Variants in CREB1 observed in about 807,000 individuals in gnomAD.
CREB1 encodes the protein cyclic AMP-responsive element-binding protein 1.
A neutral mutation model predicts 42.0 loss-of-function variants in CREB1; 2 were observed. The observed-to-expected ratio is 0.05, with a 90% CI of 0.02 to 0.15. The LOEUF is 0.15. Among genes scored for constraint, CREB1 ranks in the 10% least tolerant of loss-of-function variants. The pLI is 1.00. For synonymous variants in CREB1, 123 were observed against 139.9 expected (o/e 0.88, Z 0.85); for missense variants, 199 against 388.9 (o/e 0.51, Z 4.11).
intron 7 of CREB1, among the ~76,000 whole-genome samples, chr2:207,584,188 TGAA>T (rs1338566894): frequency 6.6e-6 from 1 of 152,254 alleles, no homozygotes; most frequent in East Asian, 1.9e-4. Context: ...GCTGGTTGCA[TGAA>T]ATGTAACTAA....
At chr2:207,556,874 C>T (rs1281473410) in intron 2 of CREB1, among the ~76,000 whole-genome samples, 1 of 152,166 alleles carries the variant, frequency 6.6e-6, no homozygotes, top group Non-Finnish European at 1.5e-5. Context: ...CTGTGGCTCA[C>T]GCCTATAATC....
intron 7 of CREB1, among the ~76,000 whole-genome samples, chr2:207,588,896 G>A (rs989959941): frequency 7.1e-6 from 1 of 140,378 alleles, no homozygotes; most frequent in South Asian, 2.3e-4. Context: ...TGTCGGGGGG[G>A]GTGTAGATTC....
intron 1 of CREB1, among the ~76,000 whole-genome samples, chr2:207,539,609 C>T (rs2081015130): frequency 6.6e-6 from 1 of 152,138 alleles, no homozygotes; most frequent in Non-Finnish European, 1.5e-5. Context: ...GACTATATGG[C>T]TCCTACCCTC....
intron 1 of CREB1, among the ~76,000 whole-genome samples, chr2:207,537,330 G>A (rs1184423703): frequency 2.0e-5 from 3 of 152,062 alleles, no homozygotes; most frequent in Admixed American, 6.5e-5. Context: ...GAGCCACTGC[G>A]CCTGGCCTAC....
chr2:207,601,050 C>T lies in CREB1; in HGVS notation c.*3992C>T, dbSNP rs1307842892. 20 of 190,412 alleles carry T rather than the reference C, an allele frequency of 1.1e-4. No homozygotes were observed. The Admixed American group carries it at 1.2e-3, about 12-fold the overall frequency. The allele number at this position is 190,412 out of a possible 1,614,324, so 11.8% of individuals were successfully genotyped here. ...GCAGGATTAAGTAGGGCTAATGTAT[C>T]TTAAAGTTAAGATCTTGAATTAAAG... is the stretch of plus-strand genomic sequence containing the variant. On this transcript the variant is annotated 3_prime_UTR_variant, in exon 8 of 8. Transcript: ENST00000353267.
intron 5 of CREB1, 30 bp from the exon 6 acceptor site, chr2:207,575,242 C>T (rs2082529906): frequency 6.2e-7 from 1 of 1,600,726 alleles, no homozygotes; most frequent in Admixed American, 1.7e-5. Context: ...TGGTATTAAA[C>T]TTGTAACAAT....
In CREB1 at chr2:207,604,868, T is replaced by C. The variant is rs993387196; in HGVS notation, c.*7810T>C. Among the ~76,000 whole-genome samples the C allele has an allele frequency of 3.3e-5, 5 of 152,226 alleles. No homozygotes were observed. The highest frequency in any genetic ancestry group is 1.2e-4 in the African/African-American group (5 of 41,446). ...TCTTTCGTCTAGCTTTAATGTGTTG[T>C]TGAGGTTGATCCATTGTAACATGTT... On this transcript the variant is annotated 3_prime_UTR_variant, in exon 8 of 8. Transcript: ENST00000353267.
intron 7 of CREB1, among the ~76,000 whole-genome samples, chr2:207,585,846 A>C (rs374633068): frequency 3.9e-5 from 6 of 152,144 alleles, no homozygotes; most frequent in African/African-American, 1.4e-4. Flanking sequence ...ACACACACTA[A>C]AAAGGATGAA....
intron 7 of CREB1, among the ~76,000 whole-genome samples, chr2:207,594,508 T>C (rs909702121): frequency 6.6e-6 from 1 of 152,208 alleles, no homozygotes; most frequent in African/African-American, 2.4e-5. Flanking sequence ...TGTGTCAGCA[T>C]AATGCCCTCA....
intron 1 of CREB1, among the ~76,000 whole-genome samples, chr2:207,534,384 G>C (rs1272698876): frequency 6.6e-6 from 1 of 152,124 alleles, no homozygotes; most frequent in East Asian, 1.9e-4. Context: ...CTACAGGCAT[G>C]CACCACCACG....
At chr2:207,566,575 G>A (rs2082149237) in intron 3 of CREB1, among the ~76,000 whole-genome samples, 1 of 152,150 alleles carries the variant, frequency 6.6e-6, no homozygotes, top group Non-Finnish European at 1.5e-5. Context: ...GTTTGAGACT[G>A]GAACCACCAG....
Position 207,602,490 on chromosome 2 carries a change from T to C in CREB1, c.*5432T>C, listed in dbSNP as rs1428450341. 1 of 204,356 alleles carries C rather than the reference T, an allele frequency of 4.9e-6. No homozygotes were observed. Among genetic ancestry groups the C allele is most frequent in the African/African-American group, 2.3e-5 (1 of 43,666 alleles). 12.7% of individuals were successfully genotyped at this position (204,356 alleles called of 1,614,324 possible). A position where few individuals can be genotyped will look rare whatever the true frequency, so the allele number is the denominator to read the frequency against. On this transcript the variant is annotated 3_prime_UTR_variant, in exon 8 of 8. Coordinates refer to ENST00000353267, the MANE Select transcript of CREB1 (RefSeq NM_004379.5). ...AAATTCACATTTGACCTAACATTAC[T>C]TGCCTATAGAAGTATGGCATTTCCA...
intron 1 of CREB1, among the ~76,000 whole-genome samples, chr2:207,553,752 TAA>T (rs2081608023): frequency 6.6e-6 from 1 of 152,190 alleles, no homozygotes. Context: ...GAAAGATACT[TAA>T]GTCAATATTA....
chr2:207,581,998 A>G, intron 7 of CREB1: 1 of 700,228 alleles, frequency 1.4e-6, no homozygotes, highest in South Asian at 1.5e-5. Context: ...ACAGAGGTAT[A>G]GTGTGCCTTT....
intron 1 of CREB1, among the ~76,000 whole-genome samples, chr2:207,544,450 ATAGT>A (rs937735088): frequency 2.0e-5 from 3 of 152,220 alleles, no homozygotes; most frequent in African/African-American, 7.2e-5. Context: ...GAAGGAATTT[ATAGT>A]TAAACTAGTT....
intron 7 of CREB1, among the ~76,000 whole-genome samples, chr2:207,583,823 T>C (rs10199872): frequency 0.046 from 7,073 of 152,276 alleles, 445 homozygotes; most frequent in African/African-American, 0.15. Flanking sequence ...TATTCTCTTA[T>C]ATCCCTTTGA....
rs558684531 is a variant in CREB1, at chr2:207,565,257, G to A, written c.262-2206G>A. On this transcript the variant is annotated intron_variant, in intron 3 of 7. Transcript: ENST00000353267. ...TACATTAAACTTCATTCTTGGCTTG[G>A]TATATTCTGTGGCAGTATTTTTATT... is the stretch of plus-strand genomic sequence containing the variant. 1.1e-4 allele frequency among the ~76,000 whole-genome samples: 16 copies of A among 152,150 alleles called. 1 individual carries two copies. The South Asian group carries it at 3.3e-3, about 32-fold the overall frequency.
intron 7 of CREB1, among the ~76,000 whole-genome samples, chr2:207,589,095 C>G (rs1006300505): frequency 6.6e-6 from 1 of 151,996 alleles, no homozygotes; most frequent in African/African-American, 2.4e-5. Context: ...TATTAGTTTT[C>G]TATTGCTGCA....
At chr2:207,583,394 TTA>T (rs1407065480) in intron 7 of CREB1, among the ~76,000 whole-genome samples, 2 of 152,228 alleles carry the variant, frequency 1.3e-5, no homozygotes, top group African/African-American at 2.4e-5. Flanking sequence ...GAAACTTGGC[TTA>T]TATGTTTGTT....
Sources: allele counts gnomAD v4.1 joint callset (sites outside exome capture counted in the v4.1 genomes callset), GRCh38; gene constraint gnomAD v4.1.1; transcripts MANE v1.5; gene names NCBI Gene and HGNC (gene_info 2026-07-23, HGNC 2026-07-21).